Variants in ADAMTS2 observed in about 807,000 individuals in gnomAD.
ADAMTS2 encodes ADAM metallopeptidase with thrombospondin type 1 motif 2.
A neutral mutation model predicts 123.0 loss-of-function variants in ADAMTS2; 50 were observed. That is an observed-to-expected ratio of 0.41 (90% CI 0.32 to 0.51). ADAMTS2 has a LOEUF of 0.51. ADAMTS2 is among the 20% of genes least tolerant of loss of function. The pLI is 0.35. For synonymous variants in ADAMTS2, 678 were observed against 695.4 expected (o/e 0.98, Z 0.39); for missense variants, 1,494 against 1,705.2 (o/e 0.88, Z 2.18).
At chr5:179,205,319 T>G (rs545398856) in intron 4 of ADAMTS2, among the ~76,000 whole-genome samples, 3 of 152,226 alleles carry the variant, frequency 2.0e-5, no homozygotes, top group African/African-American at 7.2e-5. Context: ...AGTGCCACTG[T>G]CATGATAACA....
chr5:179,161,128 G>T (rs1763584336), intron 5 of ADAMTS2, among the ~76,000 whole-genome samples: 1 of 152,242 alleles, frequency 6.6e-6, no homozygotes, highest in African/African-American at 2.4e-5. Flanking sequence ...ACAGGAGGAA[G>T]GGAGTGGGTA....
intron 2 of ADAMTS2, among the ~76,000 whole-genome samples, chr5:179,320,755 A>G (rs1370123943): frequency 6.6e-6 from 1 of 152,234 alleles, no homozygotes; most frequent in Non-Finnish European, 1.5e-5. Flanking sequence ...ACATGAACAT[A>G]GCTCAGGGAT....
chr5:179,320,730 C>T (rs573755209), intron 2 of ADAMTS2, among the ~76,000 whole-genome samples: 10 of 152,290 alleles, frequency 6.6e-5, no homozygotes, highest in Admixed American at 1.3e-4. Flanking sequence ...AGGTAGAATA[C>T]GTTGTCATCT....
At chr5:179,236,310 G>A (rs534566217) in intron 3 of ADAMTS2, among the ~76,000 whole-genome samples, 1 of 152,292 alleles carries the variant, frequency 6.6e-6, no homozygotes, top group African/African-American at 2.4e-5. Flanking sequence ...TTGGGGAAGA[G>A]GGACGCCAAT....
At chr5:179,156,031 G>A (rs1008354234) in intron 6 of ADAMTS2, among the ~76,000 whole-genome samples, 2 of 152,160 alleles carry the variant, frequency 1.3e-5, no homozygotes, top group East Asian at 1.9e-4. Flanking sequence ...TGAGACGAGC[G>A]TGGAGTCTGT....
rs150347489 is a variant in ADAMTS2, at chr5:179,155,925, G to A, written c.1133-1006C>T. On this transcript the variant is annotated intron_variant, in intron 6 of 21. Coordinates refer to ENST00000251582, the MANE Select transcript of ADAMTS2 (RefSeq NM_014244.5). The surrounding 1 kb of genome is among the most constrained non-coding windows in gnomAD (Gnocchi z 5.1). Reference sequence around the variant, plus strand: ...CCACTGGGACCCCGGGTGAGCTGGCGGTGTACGCGCCTAAAAATAGAAGCA... The same window carrying A: ...CCACTGGGACCCCGGGTGAGCTGGCAGTGTACGCGCCTAAAAATAGAAGCA... Among the ~76,000 whole-genome samples the A allele has an allele frequency of 1.1e-3, 174 of 152,164 alleles. 1 individual carries two copies. The highest frequency in any genetic ancestry group is 2.2e-3 in the Admixed American group (33 of 15,290).
At position 179,260,530 on chromosome 5, in the gene ADAMTS2, G is replaced by A. The variant is rs377414191; in HGVS notation, c.688+12381C>T. ...CAAACAGATGGGGTCACAGGCTACC[G>A]GGTTTTGCCAGCCCAGGCTCTGAGC... On this transcript the variant is annotated intron_variant, in intron 3 of 21. Transcript: ENST00000251582. The surrounding 1 kb of genome is among the most constrained non-coding windows in gnomAD (Gnocchi z 4.2). 1.2e-4 allele frequency among the ~76,000 whole-genome samples: 18 copies of A among 152,254 alleles called. No individual in the cohort carries two copies. The East Asian group carries it at 2.1e-3, about 18-fold the overall frequency.
At chr5:179,172,262 G>A (rs1386815117) in intron 5 of ADAMTS2, among the ~76,000 whole-genome samples, 3 of 152,206 alleles carry the variant, frequency 2.0e-5, no homozygotes, top group Admixed American at 6.5e-5. Flanking sequence ...ATGTCCCCAT[G>A]TTGTCCCTGG....
At chr5:179,304,498 A>G (rs1231294672) in intron 2 of ADAMTS2, among the ~76,000 whole-genome samples, 1 of 152,234 alleles carries the variant, frequency 6.6e-6, no homozygotes, top group African/African-American at 2.4e-5. Flanking sequence ...AAGAAACGGA[A>G]GACATATTTT....
chr5:179,330,217 C>G (rs984968667), intron 2 of ADAMTS2, among the ~76,000 whole-genome samples: 3 of 152,210 alleles, frequency 2.0e-5, no homozygotes, highest in African/African-American at 7.2e-5. Flanking sequence ...CAGCCCAGCC[C>G]CAGCGGACTC....
intron 5 of ADAMTS2, among the ~76,000 whole-genome samples, chr5:179,166,864 G>A (rs1014581259): frequency 2.0e-5 from 3 of 152,194 alleles, no homozygotes; most frequent in African/African-American, 7.2e-5. Flanking sequence ...CCTTCACGGA[G>A]CAATCCCGGC....
intron 2 of ADAMTS2, among the ~76,000 whole-genome samples, chr5:179,283,945 G>GATT (rs756134923): frequency 0.032 from 3,812 of 120,396 alleles, 91 homozygotes; most frequent in African/African-American, 0.067. Context: ...ATGGTCAGAT[G>GATT]ATTATTATTA....
intron 2 of ADAMTS2, among the ~76,000 whole-genome samples, chr5:179,293,959 A>G (rs1011378150): frequency 6.6e-6 from 1 of 151,702 alleles, no homozygotes; most frequent in African/African-American, 2.4e-5. Context: ...GTTTTAAGGT[A>G]TTTGTGCATC....
intron 21 of ADAMTS2, chr5:179,121,019 ACTCT>A (rs1036625713): frequency 2.0e-5 from 3 of 152,004 alleles, no homozygotes; most frequent in African/African-American, 7.3e-5. Context: ...CCAGACGGCC[ACTCT>A]CTCTCTCAGC....
chr5:179,133,800 C>T (rs1763006489), intron 13 of ADAMTS2, among the ~76,000 whole-genome samples: 1 of 151,806 alleles, frequency 6.6e-6, no homozygotes, highest in Non-Finnish European at 1.5e-5. Context: ...CTCACTGCAG[C>T]CTCCGCCTCC....
Position 179,303,676 on chromosome 5 carries a change from C to T in ADAMTS2, c.535-30612G>A, listed in dbSNP as rs942207475. On this transcript the variant is annotated intron_variant, in intron 2 of 21. Transcript: ENST00000251582. This position sits in a 1 kb window ranked among gnomAD's most constrained non-coding sequence, Gnocchi z 4.7. The stretch of plus-strand genomic sequence containing the variant: ...TTTTTCTTTTCTTCGTGTTCTCACA[C>T]GCCAGCTCATGGCAGCCCACAGGCA... Among the ~76,000 whole-genome samples the T allele has an allele frequency of 5.3e-5, 8 of 152,206 alleles. No homozygotes were observed. The highest frequency in any genetic ancestry group is 1.0e-4 in the Non-Finnish European group (7 of 68,044).
intron 21 of ADAMTS2, 49 bp downstream of exon 21, chr5:179,121,612 C>G: frequency 6.7e-7 from 1 of 1,482,470 alleles, no homozygotes; most frequent in Non-Finnish European, 9.3e-7. Context: ...CCACAGGGCG[C>G]AGGGCATGCA....
Position 179,132,244 on chromosome 5 carries a change from G to A in ADAMTS2, c.2276C>T (p.Thr759Ile). 6.2e-7 allele frequency: 1 copy of A among 1,614,108 alleles called. No homozygotes were observed. The highest frequency in any genetic ancestry group is 1.1e-5 in the South Asian group (1 of 91,072). Residue 759 changes from threonine (T) to isoleucine (I), a missense_variant, in exon 15 of 22, where the codon ACC becomes ATC. This residue lies in a region of ADAMTS2 where 953 missense variants were observed against 1,124.7 expected (regional missense o/e 0.85). Transcript: ENST00000251582. The surrounding 1 kb of genome is among the most constrained non-coding windows in gnomAD (Gnocchi z 6.1). ...RHLLIQEVDA[T>I]SHHLAVKNLE... The stretch of plus-strand genomic sequence containing the variant: ...CTGAGACTCACCCAGATGGTGGCTG[G>A]TGGCGTCTACCTCCTGAATGAGCAG...
chr5:179,178,158 C>A lies in ADAMTS2; in HGVS notation c.975+2914G>T, dbSNP rs548881337. ...GAGAATTCCTAAAACACCAGAGGATCCTGGCCAGGAAGGGACAGGCTGGAA... is the reference window on the plus strand; with the variant it reads ...GAGAATTCCTAAAACACCAGAGGATACTGGCCAGGAAGGGACAGGCTGGAA... On this transcript the variant is annotated intron_variant, in intron 5 of 21. Coordinates refer to ENST00000251582, the MANE Select transcript of ADAMTS2 (RefSeq NM_014244.5). 5.3e-5 allele frequency among the ~76,000 whole-genome samples: 8 copies of A among 152,308 alleles called. No homozygotes were observed. In the East Asian group the frequency reaches 1.5e-3, roughly 29 times the overall value.
Sources: allele counts gnomAD v4.1 joint callset (sites outside exome capture counted in the v4.1 genomes callset), GRCh38; gene constraint gnomAD v4.1.1; regional missense constraint gnomAD v4.1.1; non-coding constraint Gnocchi (gnomAD v3.1); transcripts MANE v1.5; gene names NCBI Gene and HGNC (gene_info 2026-07-23, HGNC 2026-07-21).